CACNA2D2: variants seen among roughly 807,000 people sequenced by gnomAD.
CACNA2D2 encodes voltage-dependent calcium channel subunit alpha-2/delta-2.
Under a neutral mutation model 166.4 loss-of-function variants are expected in CACNA2D2, and 48 were observed. The observed-to-expected ratio is 0.29, with a 90% confidence interval of 0.23 to 0.37. The LOEUF is 0.37. Ranked by LOEUF, CACNA2D2 falls within the 10% of genes least tolerant of loss-of-function variation. The pLI, the probability that CACNA2D2 is intolerant of heterozygous loss-of-function variation, is 1.00. For synonymous variants in CACNA2D2, 561 were observed against 573.7 expected, an observed-to-expected ratio of 0.98 and a Z score of 0.32; for missense variants, 1,122 against 1,433.0, an observed-to-expected ratio of 0.78 and a Z score of 3.50.
intron 3 of CACNA2D2, among the ~76,000 whole-genome samples, chr3:50,418,701 T>C (rs1707396248): frequency 1.3e-5 from 2 of 152,144 alleles, no homozygotes; most frequent in Admixed American, 1.3e-4. Context: ...GTGCTCCCCA[T>C]GATGCCCAGC....
intron 3 of CACNA2D2, among the ~76,000 whole-genome samples, chr3:50,410,140 G>C (rs534588996): frequency 8.5e-5 from 13 of 152,324 alleles, no homozygotes; most frequent in Non-Finnish European, 1.8e-4. Flanking sequence ...GACACTGCTG[G>C]GGGTCAGTGT....
Position 50,368,185 on chromosome 3 carries a change from T to C in CACNA2D2, c.2096A>G (p.Lys699Arg), listed in dbSNP as rs1704452493. 6.2e-7 allele frequency: 1 copy of C among 1,613,992 alleles called. No homozygotes were observed. ...TTTCTCCATGAGCTCAATAAAGTTT[T>C]TCAGGAACTCGGTGTTGTTGTCTGA... The part of the protein sequence containing the change: ...NASDNNTEFL[K>R]NFIELMEKVT... The change falls in exon 24 of 38, where the codon AAA becomes AGA. Residue 699 changes from lysine (K) to arginine (R), a missense_variant. Around this residue, in one of 2 missense-constraint regions of CACNA2D2, gnomAD observed 840 missense variants for 1,166.8 expected, o/e 0.72. Transcript: ENST00000424201.
intron 4 of CACNA2D2, among the ~76,000 whole-genome samples, chr3:50,391,720 A>G (rs1262457082): frequency 6.6e-6 from 1 of 152,114 alleles, no homozygotes; most frequent in East Asian, 1.9e-4. Flanking sequence ...CATTGATACC[A>G]TTGTCTGTTC....
intron 2 of CACNA2D2, among the ~76,000 whole-genome samples, chr3:50,458,862 G>A (rs1266871944): frequency 6.6e-6 from 1 of 152,246 alleles, no homozygotes; most frequent in Non-Finnish European, 1.5e-5. Flanking sequence ...TAGAAGACCG[G>A]GAGAACCTTC....
At chr3:50,445,232 C>T (rs1449142087) in intron 2 of CACNA2D2, among the ~76,000 whole-genome samples, 1 of 152,208 alleles carries the variant, frequency 6.6e-6, no homozygotes, top group Non-Finnish European at 1.5e-5. Flanking sequence ...GGGCTCCTAA[C>T]AGCATAGGTG....
At position 50,424,902 on chromosome 3, in the gene CACNA2D2, G is replaced by A. The variant is rs554752512; in HGVS notation, c.405+9411C>T. On this transcript the variant is annotated intron_variant, in intron 3 of 37. Transcript: ENST00000424201. ...ACAGCTGAGGGTCTAGGAGGGTCCC[G>A]AGGGCCTTCTTGCCACCCTATCCCC... Among the ~76,000 whole-genome samples the A allele has an allele frequency of 3.1e-4, 47 of 151,758 alleles. No homozygotes were observed. In the South Asian group the frequency reaches 5.4e-3, roughly 17 times the overall value.
intron 2 of CACNA2D2, among the ~76,000 whole-genome samples, chr3:50,456,692 C>A (rs1365296923): frequency 6.6e-6 from 1 of 152,184 alleles, no homozygotes. Flanking sequence ...CATCTGTCTA[C>A]CTGCCCTCCT....
At chr3:50,377,575 G>A (rs756772941) in intron 16 of CACNA2D2, 34 bp from the exon 17 acceptor site, 2 of 1,603,588 alleles carry the variant, frequency 1.2e-6, no homozygotes, top group African/African-American at 2.7e-5. Flanking sequence ...TCCTCAGTGA[G>A]CTCAATTCCA....
rs1559885486 is a variant in CACNA2D2 at position 50,375,666 on chromosome 3, G to C, written c.1885C>G (p.Pro629Ala). ...TACCTGTAGTTAGTGCTCCTTATAG[G>C]CACCCAGGTGTAGTTCCGTGTCACC... The part of the protein sequence containing the change: ...DEVTRNYTWV[P>A]IRSTNYSLGL... Residue 629 changes from proline (P) to alanine (A), a missense_variant, in exon 21 of 38, where the codon CCT (proline) becomes GCT (alanine). Physicochemically the swap from Pro to Ala is conservative, Grantham distance 27. This residue lies in a region of CACNA2D2 where 840 missense variants were observed against 1,166.8 expected (regional missense o/e 0.72). Transcript: ENST00000424201. The surrounding 1 kb of genome is among the most constrained non-coding windows in gnomAD (Gnocchi z 4.0). 1 of 1,613,134 alleles carries C rather than the reference G, an allele frequency of 6.2e-7. No homozygotes were observed. The highest frequency in any genetic ancestry group is 8.5e-7 in the Non-Finnish European group (1 of 1,179,916).
chr3:50,503,362 G>A lies in CACNA2D2; in HGVS notation c.62C>T (p.Pro21Leu), dbSNP rs1699066211. 3.4e-6 allele frequency: 1 copy of A among 294,030 alleles called. No homozygotes were observed. The highest frequency in any genetic ancestry group is 6.0e-5 in the East Asian group (1 of 16,560). The allele number at this position is 294,030 out of a possible 1,614,324, so 18.2% of individuals were successfully genotyped here. A position where few individuals can be genotyped will look rare whatever the true frequency, so the allele number is the denominator to read the frequency against. ...SRPGPARTAR[P>L]WPGCGPHPGP... is the part of the protein sequence containing the mutation. ...AGGGTGGGGGCCGCAGCCGGGCCAG[G>A]GGCGCGCAGTCCGCGCTGGGCCGGG... Residue 21 changes from proline to leucine, a missense_variant, in exon 1 of 38, where the codon CCC (proline) becomes CTC (leucine). Physicochemically the swap from Pro to Leu is moderately conservative, Grantham distance 98 (BLOSUM62 -3). Around this residue, in one of 2 missense-constraint regions of CACNA2D2, gnomAD observed 840 missense variants for 1,166.8 expected, o/e 0.72. Transcript: ENST00000424201.
chr3:50,364,957 C>T lies in CACNA2D2; in HGVS notation c.3222G>A (p.Glu1074=), dbSNP rs1704147336. 1.2e-6 allele frequency: 2 copies of T among 1,613,006 alleles called. No homozygotes were observed. Among genetic ancestry groups the T allele is most frequent in the South Asian group, 1.1e-5 (1 of 91,080 alleles). Residue 1074 remains glutamate, a synonymous_variant, in exon 37 of 38, where the codon GAG becomes GAA. Coordinates refer to ENST00000424201, the MANE Select transcript of CACNA2D2 (RefSeq NM_006030.4). The stretch of plus-strand genomic sequence containing the variant: ...GCGGTCTCTGCACTAGCTCACACTG[C>T]TCCGGGCCGTCCGCTGGGCATGGGT... ...LQKETHSDGP[E]QCELVQRPRY...
At chr3:50,429,480 C>T (rs753101413) in intron 3 of CACNA2D2, among the ~76,000 whole-genome samples, 3 of 150,648 alleles carry the variant, frequency 2.0e-5, no homozygotes, top group Non-Finnish European at 2.9e-5. Context: ...TGGCCGGGCG[C>T]GGTGGCTCAC....
At position 50,427,769 on chromosome 3, in the gene CACNA2D2, T is replaced by C. The variant is rs1453211087; in HGVS notation, c.405+6544A>G. ...AGAGCCACAGCGCTGGCAACTGTTCTACAAATGTTCACCAGTTTGCAGAAC... is the reference window on the plus strand; with the variant it reads ...AGAGCCACAGCGCTGGCAACTGTTCCACAAATGTTCACCAGTTTGCAGAAC... On this transcript the variant is annotated intron_variant, in intron 3 of 37. Coordinates refer to ENST00000424201, the MANE Select transcript of CACNA2D2 (RefSeq NM_006030.4). This position sits in a 1 kb window ranked among gnomAD's most constrained non-coding sequence, Gnocchi z 4.7. Among the ~76,000 whole-genome samples the C allele has an allele frequency of 1.3e-5, 2 of 152,216 alleles. No homozygotes were observed. Among genetic ancestry groups the C allele is most frequent in the African/African-American group, 4.8e-5 (2 of 41,456 alleles).
intron 3 of CACNA2D2, among the ~76,000 whole-genome samples, chr3:50,404,891 C>A (rs1706623359): frequency 6.6e-6 from 1 of 152,312 alleles, no homozygotes; most frequent in Non-Finnish European, 1.5e-5. Context: ...GGCACCGTCA[C>A]TGGAAGAATT....
chr3:50,450,058 G>C (rs1422410856), intron 2 of CACNA2D2, among the ~76,000 whole-genome samples: 2 of 152,186 alleles, frequency 1.3e-5, no homozygotes, highest in African/African-American at 4.8e-5. Flanking sequence ...AGCCACAGAA[G>C]GGGGCAAGCT....
chr3:50,372,172 C>T (rs1282465465), intron 22 of CACNA2D2, among the ~76,000 whole-genome samples: 2 of 152,182 alleles, frequency 1.3e-5, no homozygotes, highest in Non-Finnish European at 2.9e-5. Context: ...GTTCACTACC[C>T]ACTCTTCCAG....
intron 3 of CACNA2D2, among the ~76,000 whole-genome samples, chr3:50,433,590 G>T (rs1478593687): frequency 6.6e-6 from 1 of 152,068 alleles, no homozygotes; most frequent in African/African-American, 2.4e-5. Flanking sequence ...CTCTGATCTG[G>T]GGGGAGCTTG....
Position 50,444,519 on chromosome 3 carries a change from T to C in CACNA2D2, c.289-10090A>G, listed in dbSNP as rs184783384. Among the ~76,000 whole-genome samples, 874 of 152,324 alleles carry C rather than the reference T, an allele frequency of 5.7e-3. 6 individuals are homozygous for C. Among genetic ancestry groups the C allele is most frequent in the African/African-American group, 0.02 (818 of 41,574 alleles). On this transcript the variant is annotated intron_variant, in intron 2 of 37. Coordinates refer to ENST00000424201, the MANE Select transcript of CACNA2D2 (RefSeq NM_006030.4). ...TTCAAGTGTGGGGTGCTGGTGGCTT[T>C]TCATGGGACCGCCTTCCAGGGTTGC...
At chr3:50,400,954 C>A (rs1213291766) in intron 3 of CACNA2D2, among the ~76,000 whole-genome samples, 1 of 152,202 alleles carries the variant, frequency 6.6e-6, no homozygotes, top group African/African-American at 2.4e-5. Context: ...GGATTACAGG[C>A]GTGAGCCACC....
Sources: allele counts gnomAD v4.1 joint callset (sites outside exome capture counted in the v4.1 genomes callset), GRCh38; gene constraint gnomAD v4.1.1; regional missense constraint gnomAD v4.1.1; non-coding constraint Gnocchi (gnomAD v3.1); transcripts MANE v1.5; gene names NCBI Gene and HGNC (gene_info 2026-07-23, HGNC 2026-07-21).